Variants in COL11A1 observed in about 807,000 individuals in gnomAD.
The protein encoded by COL11A1 is collagen alpha-1(XI) chain.
Under a neutral mutation model 265.2 loss-of-function variants are expected in COL11A1, and 74 were observed. That is an observed-to-expected ratio of 0.28 (90% CI 0.23 to 0.34). COL11A1 has a LOEUF of 0.34. Among genes scored for constraint, COL11A1 ranks in the 10% least tolerant of loss-of-function variants. The probability of loss-of-function intolerance (pLI) is 1.00; values close to 1 mark genes in which losing one functional copy is unlikely to be tolerated. For missense variants in COL11A1, 2,165 were observed against 2,263.6 expected (o/e 0.96, Z 0.88); for synonymous variants, 816 against 727.6 (o/e 1.12, Z -1.96).
chr1:102,951,477 C>T (rs1659870622), intron 41 of COL11A1, among the ~76,000 whole-genome samples: 1 of 152,156 alleles, frequency 6.6e-6, no homozygotes, highest in Middle Eastern at 3.2e-3. Context: ...GCGGGCGGAT[C>T]ACGAGGTCAG....
intron 36 of COL11A1, among the ~76,000 whole-genome samples, chr1:102,970,851 T>A (rs1023742644): frequency 3.3e-5 from 5 of 151,708 alleles, no homozygotes; most frequent in Non-Finnish European, 7.4e-5. Flanking sequence ...CCGTCTCTAC[T>A]AAAAAACAAA....
intron 29 of COL11A1, among the ~76,000 whole-genome samples, chr1:102,988,188 C>T (rs1663766264): frequency 6.6e-6 from 1 of 152,146 alleles, no homozygotes; most frequent in South Asian, 2.1e-4. Flanking sequence ...TGACTCCACT[C>T]AGACCCATGA....
At chr1:102,971,986 C>T (rs1662020415) in intron 36 of COL11A1, among the ~76,000 whole-genome samples, 1 of 152,118 alleles carries the variant, frequency 6.6e-6, no homozygotes, top group South Asian at 2.1e-4. Flanking sequence ...TAGGTGTATA[C>T]TAATGCTAAG....
intron 10 of COL11A1, among the ~76,000 whole-genome samples, 160 bp from the exon 11 acceptor site, chr1:103,018,042 A>G (rs1479684137): frequency 6.6e-6 from 1 of 152,076 alleles, no homozygotes; most frequent in Non-Finnish European, 1.5e-5. Context: ...GACAACATAT[A>G]GAAACCAATT....
At position 102,921,533 on chromosome 1, in the gene COL11A1, A is replaced by G; in HGVS notation, c.3693T>C (p.Gly1231=). ...PGPPGPRGPQ[G]PNGADGPQGP... is the part of the protein sequence containing the mutation. ...GAGTTCTTACATCAGCTCCATTGGGACCTTGAGGGCCTCTTGGGCCTGGAG... is the reference window on the plus strand; with the variant it reads ...GAGTTCTTACATCAGCTCCATTGGGGCCTTGAGGGCCTCTTGGGCCTGGAG... The change falls in exon 48 of 67, where the codon GGT becomes GGC. Residue 1231 remains glycine, a synonymous_variant. Coordinates refer to ENST00000370096, the MANE Select transcript of COL11A1 (RefSeq NM_001854.4). 6.2e-7 allele frequency: 1 copy of G among 1,613,428 alleles called. No homozygotes were observed. Among genetic ancestry groups the G allele is most frequent in the South Asian group, 1.1e-5 (1 of 91,004 alleles).
intron 26 of COL11A1, 86 bp from the exon 27 acceptor site, chr1:102,996,128 A>C: frequency 2.2e-6 from 3 of 1,366,536 alleles, no homozygotes; most frequent in Non-Finnish European, 3.1e-6. Context: ...ACTAATCTAC[A>C]AGGATATGGT....
chr1:102,876,767 C>T lies in COL11A1; in HGVS notation c.*1252G>A, dbSNP rs1649546818. Reference sequence around the variant, plus strand: ...TAATTTTTAAATTGTATTGCTATTTCAAGCTACCTTAAAGTAAATACCTTA... The same window carrying T: ...TAATTTTTAAATTGTATTGCTATTTTAAGCTACCTTAAAGTAAATACCTTA... On this transcript the variant is annotated 3_prime_UTR_variant, in exon 67 of 67. Transcript: ENST00000370096. The T allele has an allele frequency of 6.6e-6, 1 of 152,164 alleles. No homozygotes were observed. 9.4% of individuals were successfully genotyped at this position (152,164 alleles called of 1,614,324 possible).
In COL11A1 at chr1:102,914,914, A is replaced by AT. The variant is rs201099871; in HGVS notation, c.3817-104dup. The AT allele has an allele frequency of 3.4e-3, 2,829 of 828,796 alleles. 1 individual carries two copies. The highest frequency in any genetic ancestry group is 3.8e-3 in the Non-Finnish European group (2,049 of 545,486). The allele number at this position is 828,796 out of a possible 1,614,324, so 51.3% of individuals were successfully genotyped here. A position where few individuals can be genotyped will look rare whatever the true frequency, so the allele number is the denominator to read the frequency against. ...ACCTTGGCACACTGGGCCAGAATAT[A>AT]TTTTTTTTTTAGACGGAATATCACT... On this transcript the variant is annotated intron_variant, in intron 50 of 66. Transcript: ENST00000370096.
chr1:102,921,419 A>T, intron 48 of COL11A1, 99 bp downstream of exon 48: 14 of 958,592 alleles, frequency 1.5e-5, no homozygotes, highest in Non-Finnish European at 2.3e-5. Context: ...AATATTAAAC[A>T]ATAGTTTAAT....
chr1:102,883,237 C>A lies in COL11A1; in HGVS notation c.4933G>T (p.Gly1645Cys). 2 of 1,613,564 alleles carry A rather than the reference C, an allele frequency of 1.2e-6. No homozygotes were observed. Among genetic ancestry groups the A allele is most frequent in the Non-Finnish European group, 1.7e-6 (2 of 1,179,714 alleles). ...FKVYCNFTSG[G>C]ETCIYPDKKS... Reference sequence around the variant, plus strand: ...TTGTCTGGATAAATGCAAGTCTCACCACCAGATGTGAAATTACAGTAAACT... The same window carrying A: ...TTGTCTGGATAAATGCAAGTCTCACAACCAGATGTGAAATTACAGTAAACT... The change falls in exon 64 of 67, where the codon GGT becomes TGT. Residue 1645 changes from glycine to cysteine, a missense_variant. Coordinates refer to ENST00000370096, the MANE Select transcript of COL11A1 (RefSeq NM_001854.4).
At chr1:102,906,231 A>G (rs372134839) in intron 54 of COL11A1, among the ~76,000 whole-genome samples, 1 of 152,166 alleles carries the variant, frequency 6.6e-6, no homozygotes, top group South Asian at 2.1e-4. Flanking sequence ...CTGAGACTCA[A>G]ATAAATTAAC....
intron 42 of COL11A1, 86 bp from the exon 43 acceptor site, chr1:102,940,520 G>T: frequency 2.1e-6 from 2 of 971,342 alleles, no homozygotes; most frequent in Non-Finnish European, 3.2e-6. Flanking sequence ...ATTTGACAAG[G>T]ATATTGTTTA....
chr1:102,891,532 G>T (rs1651781025), intron 57 of COL11A1, among the ~76,000 whole-genome samples: 1 of 151,724 alleles, frequency 6.6e-6, no homozygotes, highest in African/African-American at 2.4e-5. Flanking sequence ...CCCCGCCCAA[G>T]GAAATTTTCA....
chr1:102,897,956 T>C (rs1652656399), intron 57 of COL11A1, among the ~76,000 whole-genome samples, 169 bp downstream of exon 57: 1 of 152,190 alleles, frequency 6.6e-6, no homozygotes, highest in Admixed American at 6.6e-5. Flanking sequence ...TTATTTTCCA[T>C]ATACCTATCA....
chr1:102,920,859 A>C (rs1220884323), intron 48 of COL11A1, among the ~76,000 whole-genome samples: 2 of 152,186 alleles, frequency 1.3e-5, no homozygotes, highest in African/African-American at 4.8e-5. Flanking sequence ...GAATTAAAGC[A>C]GATATTAAAT....
chr1:102,934,404 A>G, intron 46 of COL11A1, 45 bp downstream of exon 46: 3 of 1,374,892 alleles, frequency 2.2e-6, no homozygotes, highest in Non-Finnish European at 3.1e-6. Flanking sequence ...ACCTGGTGAG[A>G]AGTAGGTAGA....
intron 8 of COL11A1, 27 bp from the exon 9 acceptor site, chr1:103,021,796 C>G: frequency 6.7e-7 from 1 of 1,492,540 alleles, no homozygotes; most frequent in Non-Finnish European, 9.4e-7. Flanking sequence ...TCAAAACAGC[C>G]TAAATGTCTG....
At chr1:103,090,142 TAAATAATAA>T (rs1187594194) in intron 1 of COL11A1, among the ~76,000 whole-genome samples, 1 of 151,288 alleles carries the variant, frequency 6.6e-6, no homozygotes, top group Non-Finnish European at 1.5e-5. Context: ...AATAAATAAA[TAAATAATAA>T]AATAAAATAA....
intron 18 of COL11A1, among the ~76,000 whole-genome samples, chr1:103,005,276 C>A (rs1306450261): frequency 6.6e-6 from 1 of 152,008 alleles, no homozygotes; most frequent in Non-Finnish European, 1.5e-5. Context: ...TAAAGCTGAT[C>A]TTTTTCTGAG....
Sources: allele counts gnomAD v4.1 joint callset (sites outside exome capture counted in the v4.1 genomes callset), GRCh38; gene constraint gnomAD v4.1.1; transcripts MANE v1.5; gene names NCBI Gene and HGNC (gene_info 2026-07-23, HGNC 2026-07-21).